Variants in CELSR1 observed in about 807,000 individuals in gnomAD.
CELSR1 encodes the protein adhesion G protein-coupled receptor C1.
In CELSR1, 110 loss-of-function variants were observed where a neutral mutation model predicts 249.1. The observed-to-expected ratio is 0.44, with a 90% CI of 0.38 to 0.52. The LOEUF is 0.52. Ranked by LOEUF, CELSR1 falls within the 20% of genes least tolerant of loss-of-function variation. The pLI, the probability that CELSR1 is intolerant of heterozygous loss-of-function variation, is 0.00. For missense variants in CELSR1, 4,109 were observed against 4,296.4 expected, an observed-to-expected ratio of 0.96 and a Z score of 1.22; for synonymous variants, 2,113 against 1,900.0, an observed-to-expected ratio of 1.11 and a Z score of -2.92.
chr22:46,514,907 AC>A (rs553757969), intron 1 of CELSR1, among the ~76,000 whole-genome samples: 64 of 152,118 alleles, frequency 4.2e-4, no homozygotes, highest in African/African-American at 1.5e-3. Context: ...GGGGATGAGC[AC>A]CTCAGACGTG....
intron 2 of CELSR1, among the ~76,000 whole-genome samples, chr22:46,444,728 G>A (rs1397560093): frequency 1.3e-5 from 2 of 152,118 alleles, no homozygotes; most frequent in African/African-American, 2.4e-5. Flanking sequence ...TCTCACAGTC[G>A]CACAGGCCAG....
rs1301418159 is a variant in CELSR1, at chr22:46,396,764, G to A, written c.5702-18C>T. On this transcript the variant is annotated intron_variant, in intron 12 of 34. Coordinates refer to ENST00000674500, the MANE Select transcript of CELSR1 (RefSeq NM_001378328.1). This position sits in a 1 kb window ranked among gnomAD's most constrained non-coding sequence, Gnocchi z 6.4. Reference sequence around the variant, plus strand: ...AAGGTACCCTGCAAGGACAGAGCCAGCATTACCTCCACCCACAATCCACGA... The same window carrying A: ...AAGGTACCCTGCAAGGACAGAGCCAACATTACCTCCACCCACAATCCACGA... 1.2e-6 allele frequency: 2 copies of A among 1,608,998 alleles called. No individual in the cohort carries two copies. Among genetic ancestry groups the A allele is most frequent in the African/African-American group, 2.7e-5 (2 of 74,868 alleles).
rs75368854 is a variant in CELSR1, at chr22:46,482,972, G to A, written c.3545-18627C>T. 3.4e-3 allele frequency among the ~76,000 whole-genome samples: 524 copies of A among 152,224 alleles called. 12 individuals carry two copies. The East Asian group carries it at 0.049, about 14-fold the overall frequency. On this transcript the variant is annotated intron_variant, in intron 1 of 34. Transcript: ENST00000674500. ...GCACACACAACAGAGCTGGCAAATG[G>A]GAAAGAGGAGCATTCCCACACATGG...
At chr22:46,494,731 T>A (rs1476790069) in intron 1 of CELSR1, among the ~76,000 whole-genome samples, 2 of 152,144 alleles carry the variant, frequency 1.3e-5, no homozygotes, top group African/African-American at 4.8e-5. Context: ...GGTCTCGAAC[T>A]ACTGACCTCA....
rs1044767115 is a variant in CELSR1 at position 46,390,280 on chromosome 22, C to T, written c.6345+112G>A. 2 of 882,468 alleles carry T rather than the reference C, an allele frequency of 2.3e-6. No individual in the cohort carries two copies. The highest frequency in any genetic ancestry group is 3.5e-5 in the African/African-American group (2 of 57,628). The allele number at this position is 882,468 out of a possible 1,614,324, so 54.7% of individuals were successfully genotyped here. A position where few individuals can be genotyped will look rare whatever the true frequency, so the allele number is the denominator to read the frequency against. The stretch of plus-strand genomic sequence containing the variant: ...CCCGTGGGGCTGTCCCTGCGCCATC[C>T]CAGCCGCCCCAACACTCCCCAGCCC... On this transcript the variant is annotated intron_variant, in intron 17 of 34. Transcript: ENST00000674500. The surrounding 1 kb of genome is among the most constrained non-coding windows in gnomAD (Gnocchi z 6.3).
rs779882694 is a variant in CELSR1 at position 46,367,742 on chromosome 22, A to T, written c.8066T>A (p.Phe2689Tyr). 3 of 1,602,322 alleles carry T rather than the reference A, an allele frequency of 1.9e-6. No individual in the cohort carries two copies. In the African/African-American group the frequency reaches 4.0e-5, roughly 21 times the overall value. The change falls in exon 28 of 35, where the codon TTC becomes TAC. Residue 2689 changes from phenylalanine (F) to tyrosine (Y), a missense_variant. Phe to Tyr is a conservative substitution (Grantham distance 22, BLOSUM62 3). Around this residue, in one of 7 missense-constraint regions of CELSR1, gnomAD observed 1,805 missense variants for 1,831.6 expected, o/e 0.99. Coordinates refer to ENST00000674500, the MANE Select transcript of CELSR1 (RefSeq NM_001378328.1). ...ALSFHYLFAI[F>Y]SGLQGPFVLL... is the part of the protein sequence containing the mutation. ...GCCGTCACCTACCTGTAAGCCGCTG[A>T]AGATGGCGAAGAGGTAGTGAAAGCT... is the stretch of plus-strand genomic sequence containing the variant.
intron 2 of CELSR1, among the ~76,000 whole-genome samples, chr22:46,461,044 T>G (rs912549543): frequency 6.6e-6 from 1 of 152,008 alleles, no homozygotes; most frequent in African/African-American, 2.4e-5. Flanking sequence ...GCCCCCGAGC[T>G]CGGCTTACCA....
intron 2 of CELSR1, among the ~76,000 whole-genome samples, chr22:46,443,853 G>A (rs1373919788): frequency 6.6e-6 from 1 of 152,194 alleles, no homozygotes; most frequent in Non-Finnish European, 1.5e-5. Flanking sequence ...CTCCTCCTTT[G>A]GACACTTCAA....
rs2079305304 is a variant in CELSR1 at position 46,409,429 on chromosome 22, G to A, written c.5060-267C>T. Reference sequence around the variant, plus strand: ...CCAGCCACAGATGGGCGTGGTAAGGGGCTCTCAGGCTTGACAGGAGGCAGA... The same window carrying A: ...CCAGCCACAGATGGGCGTGGTAAGGAGCTCTCAGGCTTGACAGGAGGCAGA... On this transcript the variant is annotated intron_variant, in intron 8 of 34. Coordinates refer to ENST00000674500, the MANE Select transcript of CELSR1 (RefSeq NM_001378328.1). This position sits in a 1 kb window ranked among gnomAD's most constrained non-coding sequence, Gnocchi z 9.8. 6.6e-6 allele frequency among the ~76,000 whole-genome samples: 1 copy of A among 152,130 alleles called. No individual in the cohort carries two copies. Among genetic ancestry groups the A allele is most frequent in the Admixed American group, 6.5e-5 (1 of 15,274 alleles).
At chr22:46,424,839 G>A (rs891671943) in intron 5 of CELSR1, among the ~76,000 whole-genome samples, 1 of 152,178 alleles carries the variant, frequency 6.6e-6, no homozygotes, top group Non-Finnish European at 1.5e-5. Context: ...GAGCATGGTG[G>A]TGTGTGCCTG....
In CELSR1 at chr22:46,399,792, G is replaced by A. The variant is rs750903620; in HGVS notation, c.5337C>T (p.Ile1779=). 40 of 1,613,982 alleles carry A rather than the reference G, an allele frequency of 2.5e-5. No homozygotes were observed. Among genetic ancestry groups the A allele is most frequent in the Admixed American group, 1.2e-4 (7 of 59,984 alleles). The change falls in exon 10 of 35, where the codon ATC becomes ATT. Residue 1779 remains isoleucine, a synonymous_variant. Transcript: ENST00000674500. The surrounding 1 kb of genome is among the most constrained non-coding windows in gnomAD (Gnocchi z 5.0). ...TGTCCTCCTTAACATTCTTCAGCTC[G>A]ATCAGCAGGTGGTGCCACTCCCCGT... is the stretch of plus-strand genomic sequence containing the variant. ...VTDGEWHHLL[I]ELKNVKEDSE...
At chr22:46,470,890 C>T (rs1476398731) in intron 1 of CELSR1, among the ~76,000 whole-genome samples, 1 of 152,060 alleles carries the variant, frequency 6.6e-6, no homozygotes, top group Non-Finnish European at 1.5e-5. Flanking sequence ...TTTGGGAGGC[C>T]GAGGTGGGCG....
intron 1 of CELSR1, among the ~76,000 whole-genome samples, chr22:46,508,313 C>T (rs2080536532): frequency 6.6e-6 from 1 of 151,202 alleles, no homozygotes; most frequent in African/African-American, 2.4e-5. Flanking sequence ...GAGGATTTGC[C>T]CCGGGAGGAA....
Position 46,395,531 on chromosome 22 carries a change from G to A in CELSR1, c.5843+1074C>T, listed in dbSNP as rs185790125. ...CCCTCTCCACTCCCAGGGCACCTCC[G>A]CGGCGCTCTCCCTGGCATCACATCT... On this transcript the variant is annotated intron_variant, in intron 13 of 34. Coordinates refer to ENST00000674500, the MANE Select transcript of CELSR1 (RefSeq NM_001378328.1). The surrounding 1 kb of genome is among the most constrained non-coding windows in gnomAD (Gnocchi z 5.5). Among the ~76,000 whole-genome samples, 41 of 152,202 alleles carry A rather than the reference G, an allele frequency of 2.7e-4. No individual in the cohort carries two copies. The highest frequency in any genetic ancestry group is 1.2e-3 in the South Asian group (6 of 4,828).
In CELSR1 at chr22:46,361,744, T is replaced by C. The variant is rs2078706896; in HGVS notation, c.*1479A>G. The C allele has an allele frequency of 6.6e-6, 1 of 152,284 alleles. No individual in the cohort carries two copies. Among genetic ancestry groups the C allele is most frequent in the South Asian group, 2.1e-4 (1 of 4,834 alleles). 9.4% of individuals were successfully genotyped at this position (152,284 alleles called of 1,614,324 possible). A position where few individuals can be genotyped will look rare whatever the true frequency, so the allele number is the denominator to read the frequency against. On this transcript the variant is annotated 3_prime_UTR_variant, in exon 35 of 35. Coordinates refer to ENST00000674500, the MANE Select transcript of CELSR1 (RefSeq NM_001378328.1). The stretch of plus-strand genomic sequence containing the variant: ...AAACAGTGTGGACATCTTTGCATTT[T>C]ACTTGATTTTCATCCTATTTTATGG...
rs200426584 is a variant in CELSR1 at position 46,389,302 on chromosome 22, G to A, written c.6543C>T (p.Ala2181=). The change falls in exon 18 of 35, where the codon GCC becomes GCT. Residue 2181 remains alanine (A), a synonymous_variant. Transcript: ENST00000674500. ...GCCACCCGCCTACCTCGTGAAAGTC[G>A]GCGTCCTGCGTGGCTGCCAGGTCGA... ...QGFDLAATQD[A]DFHEDVIHSG... 6.0e-4 allele frequency: 971 copies of A among 1,605,988 alleles called. 1 individual carries two copies. Among genetic ancestry groups the A allele is most frequent in the Non-Finnish European group, 7.8e-4 (925 of 1,179,722 alleles).
chr22:46,366,911 G>C (rs2078789957), intron 29 of CELSR1, 82 bp downstream of exon 29: 1 of 1,512,344 alleles, frequency 6.6e-7, no homozygotes, highest in African/African-American at 1.4e-5. Flanking sequence ...CCGCAGGACT[G>C]GGGCTGAGGC....
Position 46,369,231 on chromosome 22 carries a change from C to T in CELSR1, c.7900G>A (p.Ala2634Thr). The change falls in exon 27 of 35, where the codon GCA becomes ACA. Residue 2634 changes from alanine (A) to threonine (T), a missense_variant. Physicochemically the swap from Ala to Thr is moderately conservative, Grantham distance 58. Around this residue, in one of 7 missense-constraint regions of CELSR1, gnomAD observed 1,805 missense variants for 1,831.6 expected, o/e 0.99. Transcript: ENST00000674500. ...IINTVTSVLSAKVSCQRKHHY... is the reference protein window; with the variant it reads ...IINTVTSVLSTKVSCQRKHHY... Reference sequence around the variant, plus strand: ...TGCTTTCTTTGGCAGGAAACCTTTGCAGATAGGACAGAAGTGACTGTGTTG... The same window carrying T: ...TGCTTTCTTTGGCAGGAAACCTTTGTAGATAGGACAGAAGTGACTGTGTTG... The T allele has an allele frequency of 2.5e-6, 4 of 1,613,924 alleles. No individual in the cohort carries two copies. Among genetic ancestry groups the T allele is most frequent in the Non-Finnish European group, 3.4e-6 (4 of 1,179,952 alleles).
In CELSR1 at chr22:46,526,878, C is replaced by A. The variant is rs1569219842; in HGVS notation, c.3544+6749G>T. On this transcript the variant is annotated intron_variant, in intron 1 of 34. Coordinates refer to ENST00000674500, the MANE Select transcript of CELSR1 (RefSeq NM_001378328.1). The surrounding 1 kb of genome is among the most constrained non-coding windows in gnomAD (Gnocchi z 4.7). ...TCAGGACACTCTCAAAGACGCCCAG[C>A]CACACGGGGCCAAAAATGGCCTCAC... Among the ~76,000 whole-genome samples, 1 of 152,232 alleles carries A rather than the reference C, an allele frequency of 6.6e-6. No homozygotes were observed. Among genetic ancestry groups the A allele is most frequent in the Non-Finnish European group, 1.5e-5 (1 of 68,046 alleles).
Sources: allele counts gnomAD v4.1 joint callset (sites outside exome capture counted in the v4.1 genomes callset), GRCh38; gene constraint gnomAD v4.1.1; regional missense constraint gnomAD v4.1.1; non-coding constraint Gnocchi (gnomAD v3.1); transcripts MANE v1.5; gene names NCBI Gene and HGNC (gene_info 2026-07-23, HGNC 2026-07-21).